RXRA: variants seen among roughly 807,000 people sequenced by gnomAD.
RXRA encodes retinoid X receptor alpha.
RXRA carries 5 observed loss-of-function variants against 44.5 expected under a neutral mutation model. The observed-to-expected ratio is 0.11, with a 90% CI of 0.06 to 0.24. RXRA has a LOEUF of 0.24. Among genes scored for constraint, RXRA ranks in the 10% least tolerant of loss-of-function variants. The pLI is 1.00. For synonymous variants in RXRA, 291 were observed against 271.4 expected (o/e 1.07, Z -0.71); for missense variants, 412 against 646.5 (o/e 0.64, Z 3.93).
intron 4 of RXRA, among the ~76,000 whole-genome samples, chr9:134,411,219 C>T (rs1831143117): frequency 6.6e-6 from 1 of 152,224 alleles, no homozygotes; most frequent in African/African-American, 2.4e-5. Context: ...GCCCTGCAGC[C>T]CAGTCATCCA....
intron 1 of RXRA, among the ~76,000 whole-genome samples, chr9:134,345,652 T>C (rs1830141114): frequency 6.6e-6 from 1 of 152,124 alleles, no homozygotes; most frequent in Non-Finnish European, 1.5e-5. Context: ...CCATTCTCCA[T>C]AGGAACTTGT....
chr9:134,347,359 G>T (rs1830165612), intron 1 of RXRA, among the ~76,000 whole-genome samples: 2 of 152,244 alleles, frequency 1.3e-5, no homozygotes, highest in South Asian at 4.1e-4. Context: ...ATGAATTGCG[G>T]GTGCTCGTGG....
At chr9:134,369,269 G>T (rs1342597721) in intron 1 of RXRA, among the ~76,000 whole-genome samples, 14 of 48,582 alleles carry the variant, frequency 2.9e-4, no homozygotes, top group South Asian at 8.8e-4. Flanking sequence ...TGTGTGTGTG[G>T]GGGGTTATGT....
intron 6 of RXRA, chr9:134,424,155 GT>G: frequency 1.0e-6 from 1 of 985,360 alleles, no homozygotes; most frequent in Non-Finnish European, 1.2e-6. Context: ...AGGTTAGAGG[GT>G]TTCTGTGGCT....
chr9:134,367,217 G>A (rs1489984925), intron 1 of RXRA, among the ~76,000 whole-genome samples: 1 of 152,156 alleles, frequency 6.6e-6, no homozygotes, highest in Non-Finnish European at 1.5e-5. Flanking sequence ...GACCCCACCA[G>A]CCACTCCCCT....
At chr9:134,355,827 G>A (rs1239963890) in intron 1 of RXRA, among the ~76,000 whole-genome samples, 1 of 152,156 alleles carries the variant, frequency 6.6e-6, no homozygotes. Flanking sequence ...CCAGGGCCCT[G>A]GGCTCACCCT....
chr9:134,358,842 G>A (rs1321457462), intron 1 of RXRA, among the ~76,000 whole-genome samples: 52 of 152,318 alleles, frequency 3.4e-4, no homozygotes, highest in Non-Finnish European at 8.8e-5. Flanking sequence ...TGCTCATGTG[G>A]GTGGTGAGGG....
intron 2 of RXRA, chr9:134,402,202 G>C (rs1036251267): frequency 5.1e-6 from 2 of 395,572 alleles, no homozygotes; most frequent in African/African-American, 4.1e-5. Context: ...GAGAGAGGCT[G>C]TGGCCTCCCT....
At chr9:134,388,221 G>C (rs1016214503) in intron 1 of RXRA, among the ~76,000 whole-genome samples, 1 of 152,128 alleles carries the variant, frequency 6.6e-6, no homozygotes, top group Non-Finnish European at 1.5e-5. Context: ...GGGGTCCTAG[G>C]CTGTTAGACT....
At position 134,408,937 on chromosome 9, in the gene RXRA, C is replaced by A; in HGVS notation, c.431-3C>A. ...CCCAGCCCTGCTCTGCCCTGTCCCG[C>A]AGGCAAGCACTATGGAGTGTACAGC... On this transcript the variant is annotated splice_region_variant and splice_polypyrimidine_tract_variant and intron_variant, in intron 3 of 9. Coordinates refer to ENST00000481739, the MANE Select transcript of RXRA (RefSeq NM_002957.6). 1 of 1,538,812 alleles carries A rather than the reference C, an allele frequency of 6.5e-7. No homozygotes were observed.
Position 134,426,581 on chromosome 9 carries a change from C to T in RXRA, c.911-2527C>T. 6.1e-6 allele frequency: 6 copies of T among 985,456 alleles called. No individual in the cohort carries two copies. Among genetic ancestry groups the T allele is most frequent in the Non-Finnish European group, 7.2e-6 (6 of 829,938 alleles). The allele number at this position is 985,456 out of a possible 1,614,324, so 61.0% of individuals were successfully genotyped here. On this transcript the variant is annotated intron_variant, in intron 6 of 9. Coordinates refer to ENST00000481739, the MANE Select transcript of RXRA (RefSeq NM_002957.6). This position sits in a 1 kb window ranked among gnomAD's most constrained non-coding sequence, Gnocchi z 4.6. ...CTGTATCCCGTGCTGAGGGCCGCACCTCGGCTCAGCAGCGCCTTCTGACCC... is the reference window on the plus strand; with the variant it reads ...CTGTATCCCGTGCTGAGGGCCGCACTTCGGCTCAGCAGCGCCTTCTGACCC...
intron 1 of RXRA, among the ~76,000 whole-genome samples, chr9:134,333,385 C>T (rs2119012723): frequency 6.6e-6 from 1 of 152,270 alleles, no homozygotes; most frequent in Admixed American, 6.5e-5. Flanking sequence ...CCTCTGTTGG[C>T]CCTCTAAGCC....
intron 1 of RXRA, among the ~76,000 whole-genome samples, chr9:134,352,228 C>G (rs1554749566): frequency 6.6e-6 from 1 of 152,088 alleles, no homozygotes; most frequent in Non-Finnish European, 1.5e-5. Flanking sequence ...CAGACTGACT[C>G]TGCGCCTCCT....
chr9:134,356,048 T>A (rs1041908226), intron 1 of RXRA, among the ~76,000 whole-genome samples: 6 of 152,132 alleles, frequency 3.9e-5, no homozygotes, highest in Non-Finnish European at 7.4e-5. Flanking sequence ...ACGCCCTCAC[T>A]GTGGGATCTG....
rs1192895615 is a variant in RXRA at position 134,342,379 on chromosome 9, C to T, written c.28+15720C>T. Among the ~76,000 whole-genome samples the T allele has an allele frequency of 6.6e-6, 1 of 152,152 alleles. No homozygotes were observed. Among genetic ancestry groups the T allele is most frequent in the Non-Finnish European group, 1.5e-5 (1 of 68,012 alleles). On this transcript the variant is annotated intron_variant, in intron 1 of 9. Transcript: ENST00000481739. This position sits in a 1 kb window ranked among gnomAD's most constrained non-coding sequence, Gnocchi z 4.4. The stretch of plus-strand genomic sequence containing the variant: ...GGGGCCTGGGCTCAGAGAGGCTGAG[C>T]CGATCTTCAAGGCCACACAGCTTGT...
chr9:134,401,483 G>A (rs962017095), intron 1 of RXRA, 149 bp from the exon 2 acceptor site: 12 of 1,246,466 alleles, frequency 9.6e-6, no homozygotes, highest in East Asian at 2.3e-5. Context: ...GTGAATTTGC[G>A]TCAGAGAGCT....
intron 1 of RXRA, among the ~76,000 whole-genome samples, chr9:134,351,128 C>A (rs577247587): frequency 6.6e-6 from 1 of 152,362 alleles, no homozygotes; most frequent in Non-Finnish European, 1.5e-5. Flanking sequence ...CCTCTGAATG[C>A]TTTGCTTAGG....
At chr9:134,385,207 G>T (rs1213095771) in intron 1 of RXRA, among the ~76,000 whole-genome samples, 2 of 152,174 alleles carry the variant, frequency 1.3e-5, no homozygotes, top group African/African-American at 4.8e-5. Context: ...CATGCCAGGG[G>T]CTGGCAGGGC....
At position 134,433,123 on chromosome 9, in the gene RXRA, C is replaced by T. The variant is rs764391722; in HGVS notation, c.1136-979C>T. ...CAGACCTGGCTCTGAGGGACCGGGC[C>T]GGGATGGAGATGGGCATCTTCTTGT... is the stretch of plus-strand genomic sequence containing the variant. On this transcript the variant is annotated intron_variant, in intron 8 of 9. Transcript: ENST00000481739. This position sits in a 1 kb window ranked among gnomAD's most constrained non-coding sequence, Gnocchi z 4.2. Among the ~76,000 whole-genome samples, 5 of 152,144 alleles carry T rather than the reference C, an allele frequency of 3.3e-5. No homozygotes were observed. The highest frequency in any genetic ancestry group is 2.0e-4 in the Admixed American group (3 of 15,286).
Sources: allele counts gnomAD v4.1 joint callset (sites outside exome capture counted in the v4.1 genomes callset), GRCh38; gene constraint gnomAD v4.1.1; non-coding constraint Gnocchi (gnomAD v3.1); transcripts MANE v1.5; gene names NCBI Gene and HGNC (gene_info 2026-07-23, HGNC 2026-07-21).